The following AKR1B15 variants were observed in gnomAD, a reference collection of about 807,000 sequenced individuals.
AKR1B15 encodes the protein aldo-keto reductase family 1 member B15, also known as estradiol 17-beta-dehydrogenase AKR1B15.
In AKR1B15, 49 loss-of-function variants were observed where a neutral mutation model predicts 38.5. That is an observed-to-expected ratio of 1.27 (90% CI 1.01 to 1.62). The LOEUF (loss-of-function observed/expected upper bound fraction) is 1.62. AKR1B15 is among the 40% of genes most tolerant of loss of function. The pLI, the probability that AKR1B15 is intolerant of heterozygous loss-of-function variation, is 0.00. For synonymous variants in AKR1B15, 137 were observed against 135.5 expected, an observed-to-expected ratio of 1.01 and a Z score of -0.08; for missense variants, 411 against 381.6, an observed-to-expected ratio of 1.08 and a Z score of -0.64.
chr7:134,572,501 GCC>G (rs1794687742), intron 6 of AKR1B15, among the ~76,000 whole-genome samples: 1 of 152,072 alleles, frequency 6.6e-6, no homozygotes, highest in Non-Finnish European at 1.5e-5. Context: ...GGTGGTGTGT[GCC>G]TGGAATGTGA....
rs1308655148 is a variant in AKR1B15, at chr7:134,565,668, C to T, written c.150+899C>T. On this transcript the variant is annotated intron_variant, in intron 3 of 11. Transcript: ENST00000457545. ...GGGGTTTGGAGAGGTGAATTTCAGTCCTGGAGCTGGGACTCGGGTTGCTTT... is the reference window on the plus strand; with the variant it reads ...GGGGTTTGGAGAGGTGAATTTCAGTTCTGGAGCTGGGACTCGGGTTGCTTT... The T allele has an allele frequency of 6.7e-6, 10 of 1,499,112 alleles. No individual in the cohort carries two copies. In the East Asian group the frequency reaches 1.7e-4, roughly 26 times the overall value. The allele number at this position is 1,499,112 out of a possible 1,614,324, so 92.9% of individuals were successfully genotyped here.
rs147451247 is a variant in AKR1B15, at chr7:134,559,904, T to C, written c.-23+3045T>C. ...GCAGGCAGATCCCAAGGTCAGGAGA[T>C]TGAGACCATCCTGGCCACCATGGTG... On this transcript the variant is annotated intron_variant, in intron 2 of 11. Transcript: ENST00000457545. Among the ~76,000 whole-genome samples the C allele has an allele frequency of 5.9e-4, 90 of 152,258 alleles. No individual in the cohort carries two copies. The East Asian group carries it at 0.014, about 24-fold the overall frequency.
rs1194976391 is a variant in AKR1B15, at chr7:134,577,666, G to A, written c.910-38G>A. 6 of 1,602,500 alleles carry A rather than the reference G, an allele frequency of 3.7e-6. No homozygotes were observed. The Admixed American group carries it at 8.5e-5, about 23-fold the overall frequency. ...GCAGTCTCCAGCCACAGCAGTAACAGCCTTACCGATAATGTATTGGAATTC... is the reference window on the plus strand; with the variant it reads ...GCAGTCTCCAGCCACAGCAGTAACAACCTTACCGATAATGTATTGGAATTC... On this transcript the variant is annotated intron_variant, in intron 10 of 11. Coordinates refer to ENST00000457545, the MANE Select transcript of AKR1B15 (RefSeq NM_001080538.3).
intron 2 of AKR1B15, among the ~76,000 whole-genome samples, chr7:134,564,172 C>T (rs551641931): frequency 3.7e-4 from 56 of 152,282 alleles, no homozygotes; most frequent in Non-Finnish European, 6.6e-4. Context: ...CTATGGGAAC[C>T]GGAATAGCCA....
At chr7:134,554,823 T>G (rs1187851150) in intron 1 of AKR1B15, among the ~76,000 whole-genome samples, 6 of 152,156 alleles carry the variant, frequency 3.9e-5, no homozygotes, top group Non-Finnish European at 7.4e-5. Flanking sequence ...GGACTGCCTG[T>G]TGTAATAAGG....
At chr7:134,572,805 G>A (rs9691034) in intron 6 of AKR1B15, among the ~76,000 whole-genome samples, 18 of 152,162 alleles carry the variant, frequency 1.2e-4, no homozygotes, top group Admixed American at 8.5e-4. Context: ...AATAGAGAAC[G>A]AATTGGAGAA....
At chr7:134,567,570 G>A (rs759602553) in intron 3 of AKR1B15, among the ~76,000 whole-genome samples, 34 of 152,026 alleles carry the variant, frequency 2.2e-4, no homozygotes, top group African/African-American at 7.7e-4. Flanking sequence ...CCATTTTGCC[G>A]ACAAGGTTTA....
At chr7:134,566,723 T>A (rs1794543659) in intron 3 of AKR1B15, among the ~76,000 whole-genome samples, 1 of 152,104 alleles carries the variant, frequency 6.6e-6, no homozygotes, top group Non-Finnish European at 1.5e-5. Flanking sequence ...GCACACTGAC[T>A]TTTTTCCCTC....
intron 10 of AKR1B15, 111 bp downstream of exon 10, chr7:134,577,157 C>A: frequency 8.9e-7 from 1 of 1,117,976 alleles, no homozygotes; most frequent in East Asian, 2.4e-5. Flanking sequence ...CCCCTCCTTC[C>A]CCACCACCCT....
At chr7:134,577,089 G>A (rs754752226) in intron 10 of AKR1B15, 43 bp downstream of exon 10, 1 of 1,561,584 alleles carries the variant, frequency 6.4e-7, no homozygotes, top group South Asian at 1.1e-5. Context: ...TCAGTGGAGT[G>A]GGGGACAGGC....
chr7:134,577,881 T>TTTCTAAACTGGTAGAGG, intron 11 of AKR1B15, 95 bp downstream of exon 11: 1 of 1,403,504 alleles, frequency 7.1e-7, no homozygotes, highest in Non-Finnish European at 9.9e-7. Flanking sequence ...TGGGACTACT[T>TTTCTAAACTGGTAGAGG]GTGTCTTCAA....
intron 5 of AKR1B15, among the ~76,000 whole-genome samples, chr7:134,570,674 G>A (rs1309758905): frequency 6.6e-6 from 1 of 152,198 alleles, no homozygotes; most frequent in Non-Finnish European, 1.5e-5. Context: ...GAAAGTAGTA[G>A]CTGCACCAGG....
chr7:134,563,488 C>T (rs183420136), intron 2 of AKR1B15, among the ~76,000 whole-genome samples: 2 of 152,260 alleles, frequency 1.3e-5, no homozygotes, highest in East Asian at 1.9e-4. Context: ...ACAGAGGTTG[C>T]AGTGAGCCAA....
At chr7:134,574,841 C>T (rs1323624579) in intron 6 of AKR1B15, among the ~76,000 whole-genome samples, 9 of 152,198 alleles carry the variant, frequency 5.9e-5, no homozygotes, top group African/African-American at 1.7e-4. Context: ...CACACAACTC[C>T]GTGGCCGGGT....
intron 11 of AKR1B15, among the ~76,000 whole-genome samples, chr7:134,578,983 C>G (rs900593552): frequency 6.6e-6 from 1 of 152,226 alleles, no homozygotes; most frequent in African/African-American, 2.4e-5. Context: ...AAATCCAACT[C>G]TAACACTGGT....
intron 2 of AKR1B15, among the ~76,000 whole-genome samples, chr7:134,560,545 T>C (rs1292183711): frequency 1.3e-5 from 2 of 152,196 alleles, no homozygotes. Context: ...TTAATCTCAA[T>C]TATCTAAAAA....
chr7:134,574,723 C>T (rs1794726823), intron 6 of AKR1B15, among the ~76,000 whole-genome samples: 3 of 152,162 alleles, frequency 2.0e-5, no homozygotes, highest in Non-Finnish European at 4.4e-5. Context: ...TGGAAAATGC[C>T]CAATAAAGGC....
intron 11 of AKR1B15, among the ~76,000 whole-genome samples, chr7:134,578,484 C>G (rs1794812036): frequency 6.6e-6 from 1 of 152,200 alleles, no homozygotes; most frequent in African/African-American, 2.4e-5. Context: ...GTGGTGCTAA[C>G]TTTACTTTAA....
At chr7:134,571,707 G>T in intron 6 of AKR1B15, 26 bp downstream of exon 6, 1 of 1,577,478 alleles carries the variant, frequency 6.3e-7, no homozygotes, top group African/African-American at 1.4e-5. Context: ...GTCTAAGTGT[G>T]CTGGGAGAGA....
Sources: allele counts gnomAD v4.1 joint callset (sites outside exome capture counted in the v4.1 genomes callset), GRCh38; gene constraint gnomAD v4.1.1; transcripts MANE v1.5; gene names NCBI Gene and HGNC (gene_info 2026-07-23, HGNC 2026-07-21).